UTRN: variants seen among roughly 807,000 people sequenced by gnomAD.
UTRN encodes the protein utrophin.
A neutral mutation model predicts 463.9 loss-of-function variants in UTRN; 283 were observed. That is an observed-to-expected ratio of 0.61 (90% CI 0.55 to 0.67). UTRN has a LOEUF of 0.67. Ranked by LOEUF, UTRN falls within the 30% of genes least tolerant of loss-of-function variation. The pLI is 0.00. For missense variants in UTRN, 3,922 were observed against 4,084.3 expected (o/e 0.96, Z 1.08); for synonymous variants, 1,442 against 1,431.5 (o/e 1.01, Z -0.17).
chr6:144,617,552 G>C (rs533366989), intron 51 of UTRN, among the ~76,000 whole-genome samples: 1 of 152,254 alleles, frequency 6.6e-6, no homozygotes, highest in East Asian at 1.9e-4. Flanking sequence ...ATTTATGTTT[G>C]CTTTGAACAT....
In UTRN at chr6:144,852,589, C is replaced by T. The variant is rs1424095890; in HGVS notation, c.*1592C>T. 2.0e-5 allele frequency: 3 copies of T among 152,534 alleles called. No individual in the cohort carries two copies. Among genetic ancestry groups the T allele is most frequent in the African/African-American group, 7.2e-5 (3 of 41,418 alleles). 9.4% of individuals were successfully genotyped at this position (152,534 alleles called of 1,614,324 possible). ...TTTTATATAAAAAGGAAAGCCATGACCACCTTTCTACCTCAGATCCATCTT... is the reference window on the plus strand; with the variant it reads ...TTTTATATAAAAAGGAAAGCCATGATCACCTTTCTACCTCAGATCCATCTT... On this transcript the variant is annotated 3_prime_UTR_variant, in exon 75 of 75. Coordinates refer to ENST00000367545, the MANE Select transcript of UTRN (RefSeq NM_007124.3).
intron 2 of UTRN, among the ~76,000 whole-genome samples, chr6:144,351,725 G>A (rs759012119): frequency 6.6e-6 from 1 of 152,166 alleles, no homozygotes; most frequent in Admixed American, 6.6e-5. Flanking sequence ...TCCAAATAGA[G>A]GTGAACTGTC....
intron 9 of UTRN, among the ~76,000 whole-genome samples, chr6:144,434,206 G>A (rs1786289701): frequency 6.6e-6 from 1 of 152,234 alleles, no homozygotes; most frequent in South Asian, 2.1e-4. Context: ...AGTCAGGCGT[G>A]GTGGCGCGCA....
chr6:144,436,928 G>T (rs1057217524), intron 10 of UTRN, among the ~76,000 whole-genome samples: 1 of 142,326 alleles, frequency 7.0e-6, no homozygotes. Flanking sequence ...ATATGTATAT[G>T]TATATGTGTG....
intron 53 of UTRN, among the ~76,000 whole-genome samples, chr6:144,713,920 C>CAAAAA (rs535219098): frequency 3.0e-5 from 3 of 101,176 alleles, no homozygotes; most frequent in Non-Finnish European, 6.5e-5. Flanking sequence ...AACTCTGTCT[C>CAAAAA]AAAAAAAAAA....
At chr6:144,819,911 CCTCTCT>C (rs1554406067) in intron 65 of UTRN, among the ~76,000 whole-genome samples, 1 of 118,610 alleles carries the variant, frequency 8.4e-6, no homozygotes. Flanking sequence ...TCCTCCTCCT[CCTCTCT>C]CTCTCTCTCT....
chr6:144,733,334 C>T lies in UTRN; in HGVS notation c.7939+2848C>T, dbSNP rs147440710. On this transcript the variant is annotated intron_variant, in intron 54 of 74. Transcript: ENST00000367545. ...GAGATGGAGACCATCCTGGCTAACA[C>T]GGTGAAACCCCGTCTCTACTAAAAT... Among the ~76,000 whole-genome samples the T allele has an allele frequency of 5.2e-3, 797 of 152,020 alleles. 6 individuals are homozygous for T. Among genetic ancestry groups the T allele is most frequent in the Non-Finnish European group, 9.2e-3 (624 of 67,956 alleles).
intron 50 of UTRN, among the ~76,000 whole-genome samples, chr6:144,560,910 A>T (rs955670712): frequency 2.6e-5 from 4 of 151,900 alleles, no homozygotes. Flanking sequence ...TTAGTTTTCT[A>T]ATGTTCAAAA....
intron 59 of UTRN, 33 bp from the exon 60 acceptor site, chr6:144,774,257 C>A (rs1271504081): frequency 6.4e-7 from 1 of 1,565,492 alleles, no homozygotes; most frequent in South Asian, 1.2e-5. Flanking sequence ...CAATAATAAG[C>A]CTATCTTCAA....
chr6:144,550,504 T>G (rs1798808676), intron 47 of UTRN, among the ~76,000 whole-genome samples: 2 of 152,186 alleles, frequency 1.3e-5, no homozygotes, highest in African/African-American at 2.4e-5. Context: ...ATTTAATTTA[T>G]AGTTATTCCT....
At chr6:144,378,248 A>G (rs1193867311) in intron 2 of UTRN, among the ~76,000 whole-genome samples, 1 of 152,226 alleles carries the variant, frequency 6.6e-6, no homozygotes, top group Non-Finnish European at 1.5e-5. Context: ...TGGACAAGTT[A>G]GAGGTCTAGA....
intron 34 of UTRN, among the ~76,000 whole-genome samples, chr6:144,510,265 T>A (rs1301033097): frequency 2.6e-5 from 4 of 152,198 alleles, no homozygotes; most frequent in Non-Finnish European, 4.4e-5. Flanking sequence ...TCTCTATAAT[T>A]CTGTGACTAT....
Position 144,485,388 on chromosome 6 carries a change from G to A in UTRN, c.3691G>A (p.Val1231Ile), listed in dbSNP as rs766424377. ...IRGKCHTLEEVWSCWIELLHY... is the reference protein window; with the variant it reads ...IRGKCHTLEEIWSCWIELLHY... ...TTTAAAATTTTTCATGCTTTAGGAG[G>A]TCTGGTCTTGTTGGATTGAACTGCT... The change falls in exon 28 of 75, where the codon GTC becomes ATC. Residue 1231 changes from valine (V) to isoleucine (I), a missense_variant. Coordinates refer to ENST00000367545, the MANE Select transcript of UTRN (RefSeq NM_007124.3). The A allele has an allele frequency of 6.2e-7, 1 of 1,614,078 alleles. No homozygotes were observed. The highest frequency in any genetic ancestry group is 1.1e-5 in the South Asian group (1 of 91,038).
chr6:144,368,441 G>T (rs1389456653), intron 2 of UTRN, among the ~76,000 whole-genome samples: 1 of 152,062 alleles, frequency 6.6e-6, no homozygotes, highest in African/African-American at 2.4e-5. Context: ...TTGTTTTTTG[G>T]CCTTAGGAAA....
rs922298905 is a variant in UTRN at position 144,438,661 on chromosome 6, C to T, written c.1242-84C>T. 18 of 1,549,786 alleles carry T rather than the reference C, an allele frequency of 1.2e-5. No homozygotes were observed. In the African/African-American group the frequency reaches 1.6e-4, roughly 14 times the overall value. On this transcript the variant is annotated intron_variant, in intron 11 of 74. Transcript: ENST00000367545. The stretch of plus-strand genomic sequence containing the variant: ...TTAGACAAGGGTGTCTTCCCTTGCC[C>T]TGTATCTCCGGTGCCCAGAATGTAT...
At chr6:144,731,561 T>C (rs998120130) in intron 54 of UTRN, among the ~76,000 whole-genome samples, 11 of 152,228 alleles carry the variant, frequency 7.2e-5, no homozygotes, top group African/African-American at 2.2e-4. Context: ...ATCAGACATA[T>C]GGACAGGTAG....
At chr6:144,350,996 C>T (rs1225454893) in intron 2 of UTRN, among the ~76,000 whole-genome samples, 6 of 151,992 alleles carry the variant, frequency 3.9e-5, no homozygotes, top group Non-Finnish European at 5.9e-5. Context: ...ATTACATTTT[C>T]GTATACTGAT....
At chr6:144,436,826 ATATTT>A (rs1252602802) in intron 10 of UTRN, among the ~76,000 whole-genome samples, 6 of 130,740 alleles carry the variant, frequency 4.6e-5, no homozygotes, top group African/African-American at 2.2e-4. Context: ...AAATAAATAT[ATATTT>A]TATTTTATAT....
intron 69 of UTRN, among the ~76,000 whole-genome samples, chr6:144,834,467 TCTCTGATCTCAATG>T (rs1780935899): frequency 6.6e-6 from 1 of 152,218 alleles, no homozygotes; most frequent in South Asian, 2.1e-4. Flanking sequence ...TTCATCTAGC[TCTCTGATCTCAATG>T]CTTAGGATAA....
Sources: gnomAD v4.1 joint callset for allele counts (sites outside exome capture counted in the v4.1 genomes callset) on GRCh38, gnomAD v4.1.1 for gene constraint, MANE v1.5 for transcripts, NCBI Gene and HGNC (gene_info 2026-07-23, HGNC 2026-07-21) for gene names.